The following TBC1D22A variants were observed in gnomAD, a reference collection of about 807,000 sequenced individuals.
TBC1D22A encodes TBC1 domain family member 22A, also known as putative GTPase activator.
A neutral mutation model predicts 60.2 loss-of-function variants in TBC1D22A; 38 were observed. The ratio of observed to expected loss-of-function variants is 0.63; its 90% CI spans 0.49 to 0.83. TBC1D22A has a LOEUF of 0.83. Among genes scored for constraint, TBC1D22A ranks in the 40% least tolerant of loss-of-function variants. The pLI is 0.00. For missense variants in TBC1D22A, 628 were observed against 701.0 expected (o/e 0.90, Z 1.18); for synonymous variants, 302 against 281.7 (o/e 1.07, Z -0.72).
chr22:46,961,939 T>G (rs992481242), intron 8 of TBC1D22A, among the ~76,000 whole-genome samples: 1 of 152,184 alleles, frequency 6.6e-6, no homozygotes, highest in African/African-American at 2.4e-5. Context: ...CCAGATTGTG[T>G]GAGTTGGATT....
chr22:46,956,865 C>T (rs866944339), intron 8 of TBC1D22A, among the ~76,000 whole-genome samples: 7 of 152,176 alleles, frequency 4.6e-5, no homozygotes, highest in Admixed American at 3.3e-4. Context: ...ACAGACTTTC[C>T]GGGATTTACA....
chr22:46,942,976 C>G (rs1428552924), intron 8 of TBC1D22A, among the ~76,000 whole-genome samples: 1 of 152,110 alleles, frequency 6.6e-6, no homozygotes, highest in Non-Finnish European at 1.5e-5. Context: ...GTGCGTCACC[C>G]AGGACCGCAG....
chr22:46,854,343 C>T (rs2087454896), intron 4 of TBC1D22A, among the ~76,000 whole-genome samples: 1 of 152,182 alleles, frequency 6.6e-6, no homozygotes, highest in Non-Finnish European at 1.5e-5. Context: ...ACGGCGCAGA[C>T]ACTGCTCCAC....
chr22:46,771,017 G>A (rs1188167929), intron 1 of TBC1D22A, among the ~76,000 whole-genome samples: 2 of 152,100 alleles, frequency 1.3e-5, no homozygotes, highest in Admixed American at 6.6e-5. Flanking sequence ...TCCTTTCAGC[G>A]GTTACTTTCC....
chr22:46,797,509 C>G lies in TBC1D22A; in HGVS notation c.526C>G (p.Leu176Val), dbSNP rs773418910. The change falls in exon 4 of 13, where the codon CTG becomes GTG. Residue 176 changes from leucine (L) to valine (V), a missense_variant. By Grantham distance (32) the Leu-to-Val change is conservative. Coordinates refer to ENST00000337137, the MANE Select transcript of TBC1D22A (RefSeq NM_014346.5). ...QSLPHSATVTLGGTSDPSTLS... is the reference protein window; with the variant it reads ...QSLPHSATVTVGGTSDPSTLS... ...TCTCCCACACTCGGCCACCGTCACGCTGGGTGGCACATCTGACCCCAGCAC... is the reference window on the plus strand; with the variant it reads ...TCTCCCACACTCGGCCACCGTCACGGTGGGTGGCACATCTGACCCCAGCAC... The G allele has an allele frequency of 3.7e-6, 6 of 1,613,970 alleles. No homozygotes were observed. The highest frequency in any genetic ancestry group is 8.5e-7 in the Non-Finnish European group (1 of 1,180,048).
At chr22:46,997,746 G>T (rs527415182) in intron 10 of TBC1D22A, 37 bp downstream of exon 10, 10 of 1,593,208 alleles carry the variant, frequency 6.3e-6, no homozygotes, top group Non-Finnish European at 8.6e-6. Flanking sequence ...CTCTGTGGGC[G>T]GGGGGAGGTG....
rs529171627 is a variant in TBC1D22A at position 47,161,325 on chromosome 22, C to A, written c.1426-12173C>A. ...GTCCATCTCCTGCCCACCCTGCTGC[C>A]GTGAGTCTCTTGGTATGGGGGGCAC... On this transcript the variant is annotated intron_variant, in intron 12 of 12. Transcript: ENST00000337137. Among the ~76,000 whole-genome samples the A allele has an allele frequency of 1.9e-4, 24 of 124,882 alleles. 1 individual carries two copies. The South Asian group carries it at 5.4e-3, about 28-fold the overall frequency. 81.9% of individuals were successfully genotyped at this position (124,882 alleles called of 152,430 possible).
intron 3 of TBC1D22A, among the ~76,000 whole-genome samples, chr22:46,794,883 G>T (rs2084586017): frequency 1.3e-5 from 2 of 152,216 alleles, no homozygotes; most frequent in Non-Finnish European, 2.9e-5. Context: ...TCCCTCCAAG[G>T]TCTTCTGGGG....
At chr22:46,833,589 T>G (rs1173577393) in intron 4 of TBC1D22A, among the ~76,000 whole-genome samples, 1 of 152,110 alleles carries the variant, frequency 6.6e-6, no homozygotes, top group Non-Finnish European at 1.5e-5. Context: ...AGCCAGCAAC[T>G]GAGAAAGGAC....
At chr22:47,023,707 A>G (rs907213455) in intron 10 of TBC1D22A, among the ~76,000 whole-genome samples, 12 of 152,376 alleles carry the variant, frequency 7.9e-5, no homozygotes, top group African/African-American at 2.9e-4. Flanking sequence ...TATTCAAAGA[A>G]CAGCAAACCA....
At chr22:46,895,728 TG>T (rs1272834698) in intron 7 of TBC1D22A, among the ~76,000 whole-genome samples, 2 of 152,242 alleles carry the variant, frequency 1.3e-5, no homozygotes, top group African/African-American at 4.8e-5. Context: ...CATAATAGTT[TG>T]TTATTTAAAT....
intron 7 of TBC1D22A, among the ~76,000 whole-genome samples, chr22:46,908,975 C>A (rs2069693446): frequency 6.6e-6 from 1 of 152,136 alleles, no homozygotes; most frequent in Non-Finnish European, 1.5e-5. Flanking sequence ...AGTCGAGGCC[C>A]CGGCCTGCGC....
intron 7 of TBC1D22A, among the ~76,000 whole-genome samples, chr22:46,906,824 ATGTG>A (rs1569204324): frequency 4.0e-5 from 5 of 125,344 alleles, no homozygotes; most frequent in Non-Finnish European, 1.6e-5. Context: ...CTCTAGGTGC[ATGTG>A]TGTGTGTTCT....
At chr22:47,053,683 C>A (rs1348860081) in intron 11 of TBC1D22A, among the ~76,000 whole-genome samples, 3 of 152,238 alleles carry the variant, frequency 2.0e-5, no homozygotes, top group Non-Finnish European at 4.4e-5. Context: ...TCGGGCTCAT[C>A]TTTGGCTGAG....
intron 7 of TBC1D22A, among the ~76,000 whole-genome samples, chr22:46,903,084 G>A (rs911696898): frequency 2.0e-5 from 3 of 152,168 alleles, no homozygotes; most frequent in Non-Finnish European, 2.9e-5. Flanking sequence ...GGCCCGGTTG[G>A]GCCGTGGATC....
chr22:46,980,585 T>C (rs2074476236), intron 9 of TBC1D22A, among the ~76,000 whole-genome samples: 1 of 152,174 alleles, frequency 6.6e-6, no homozygotes, highest in Admixed American at 6.5e-5. Flanking sequence ...GAGAGTTAGT[T>C]AGAATTGAAT....
intron 1 of TBC1D22A, among the ~76,000 whole-genome samples, chr22:46,784,053 C>A (rs1044147693): frequency 1.3e-5 from 2 of 152,114 alleles, no homozygotes; most frequent in Admixed American, 1.3e-4. Flanking sequence ...TGACTAATAT[C>A]CTTTTTTTTG....
intron 8 of TBC1D22A, among the ~76,000 whole-genome samples, chr22:46,944,791 A>G (rs970313048): frequency 1.3e-5 from 2 of 152,250 alleles, no homozygotes; most frequent in African/African-American, 4.8e-5. Context: ...TATACAATGA[A>G]GATACTTTTA....
At chr22:46,882,884 T>A (rs189755522) in intron 5 of TBC1D22A, among the ~76,000 whole-genome samples, 1 of 152,360 alleles carries the variant, frequency 6.6e-6, no homozygotes, top group East Asian at 1.9e-4. Flanking sequence ...TTAACATGAT[T>A]CTAGTAGCCT....
Sources: allele counts gnomAD v4.1 joint callset (sites outside exome capture counted in the v4.1 genomes callset), GRCh38; gene constraint gnomAD v4.1.1; transcripts MANE v1.5; gene names NCBI Gene and HGNC (gene_info 2026-07-23, HGNC 2026-07-21).